Variants in PRKG1 observed in about 807,000 individuals in gnomAD.
PRKG1 encodes the protein protein kinase cGMP-dependent 1, also known as cGMP-dependent protein kinase 1.
In PRKG1, 35 loss-of-function variants were observed where a neutral mutation model predicts 88.1. That is an observed-to-expected ratio of 0.40 (90% confidence interval 0.30 to 0.53). The LOEUF (loss-of-function observed/expected upper bound fraction) is 0.53, where lower values mean the gene tolerates loss of function less well. Among genes scored for constraint, PRKG1 ranks in the 20% least tolerant of loss-of-function variants. PRKG1 has a pLI of 0.59. For missense variants in PRKG1, 540 were observed against 839.8 expected (o/e 0.64, Z 4.41); for synonymous variants, 303 against 292.5 (o/e 1.04, Z -0.37).
chr10:52,062,972 T>C (rs1846272983), intron 7 of PRKG1: 1 of 582,280 alleles, frequency 1.7e-6, no homozygotes, highest in Non-Finnish European at 3.1e-6. Flanking sequence ...ATTAAGATAG[T>C]TGGTTGAAAT....
intron 4 of PRKG1, among the ~76,000 whole-genome samples, chr10:51,849,857 A>G (rs891396040): frequency 6.6e-5 from 10 of 152,114 alleles, no homozygotes; most frequent in African/African-American, 2.4e-4. Context: ...CCTTAAGCAT[A>G]CAGAATTTTA....
At chr10:52,011,791 G>A (rs1031795930) in intron 5 of PRKG1, among the ~76,000 whole-genome samples, 4 of 152,146 alleles carry the variant, frequency 2.6e-5, no homozygotes, top group African/African-American at 9.7e-5. Context: ...ATTCTCTTGT[G>A]TTGTGGGAGG....
At chr10:51,777,113 C>T (rs901683989) in intron 3 of PRKG1, among the ~76,000 whole-genome samples, 19 of 152,048 alleles carry the variant, frequency 1.2e-4, no homozygotes, top group African/African-American at 4.6e-4. Flanking sequence ...TACAACTTTG[C>T]CATGGACTGA....
At chr10:51,292,965 G>T (rs1840622893) in intron 2 of PRKG1, among the ~76,000 whole-genome samples, 1 of 151,950 alleles carries the variant, frequency 6.6e-6, no homozygotes, top group African/African-American at 2.4e-5. Context: ...AAGTTCTAGG[G>T]TACAACTGTG....
chr10:52,290,405 G>A, intron 17 of PRKG1, 115 bp downstream of exon 17: 14 of 866,364 alleles, frequency 1.6e-5, no homozygotes, highest in Admixed American at 6.0e-5. Flanking sequence ...ACAAACTCTA[G>A]GAAAAATGTC....
chr10:52,182,828 G>A (rs551254152), intron 9 of PRKG1, among the ~76,000 whole-genome samples: 1 of 151,752 alleles, frequency 6.6e-6, no homozygotes, highest in Non-Finnish European at 1.5e-5. Context: ...TGCTGTTTTG[G>A]TTACTGTAGC....
At chr10:51,924,348 A>G (rs1842526326) in intron 5 of PRKG1, among the ~76,000 whole-genome samples, 1 of 152,056 alleles carries the variant, frequency 6.6e-6, no homozygotes, top group African/African-American at 2.4e-5. Context: ...CAACACTTTA[A>G]ATATTCTACT....
chr10:51,434,630 C>A (rs1178005078), intron 2 of PRKG1, among the ~76,000 whole-genome samples: 1 of 152,078 alleles, frequency 6.6e-6, no homozygotes, highest in African/African-American at 2.4e-5. Context: ...AGCTTGAGGA[C>A]AATCAGCTGT....
intron 5 of PRKG1, among the ~76,000 whole-genome samples, chr10:51,998,310 T>C (rs762581237): frequency 6.2e-4 from 94 of 152,278 alleles, no homozygotes; most frequent in Admixed American, 1.7e-3. Context: ...TTGTGTCATT[T>C]TGGGTTCTTG....
chr10:51,908,734 A>ATTTATATATTTTT (rs1842146969), intron 5 of PRKG1: 1 of 52,218 alleles, frequency 1.9e-5, no homozygotes, highest in African/African-American at 5.8e-5. Context: ...TCTATATGTA[A>ATTTATATATTTTT]TTTTTTTTTT....
intron 5 of PRKG1, among the ~76,000 whole-genome samples, chr10:52,041,900 A>C (rs6480683): frequency 0.88 from 134,110 of 152,014 alleles, 59,242 homozygotes; most frequent in East Asian, 1. Flanking sequence ...CTTTTCCATA[A>C]ATTAACAGTG....
intron 2 of PRKG1, among the ~76,000 whole-genome samples, chr10:51,306,891 G>A (rs1280473696): frequency 6.6e-6 from 1 of 152,134 alleles, no homozygotes; most frequent in African/African-American, 2.4e-5. Flanking sequence ...CTTCAACTTA[G>A]AAAGTTCAAA....
At chr10:51,734,071 T>A (rs1001205655) in intron 3 of PRKG1, among the ~76,000 whole-genome samples, 3 of 151,772 alleles carry the variant, frequency 2.0e-5, no homozygotes, top group East Asian at 1.9e-4. Flanking sequence ...TTAGCTTTTT[T>A]AAAAAAAAAT....
At chr10:52,159,492 T>C (rs1021632897) in intron 8 of PRKG1, among the ~76,000 whole-genome samples, 4 of 151,670 alleles carry the variant, frequency 2.6e-5, no homozygotes, top group Non-Finnish European at 5.9e-5. Flanking sequence ...TTAAGCTCAT[T>C]GGGATGATTA....
intron 2 of PRKG1, among the ~76,000 whole-genome samples, chr10:51,239,339 A>G (rs1839089517): frequency 6.6e-6 from 1 of 152,242 alleles, no homozygotes; most frequent in Admixed American, 6.5e-5. Context: ...AACTAGCAGG[A>G]GAAGAATTTT....
rs576452273 is a variant in PRKG1, at chr10:51,876,424, T to C, written c.699-31083T>C. Among the ~76,000 whole-genome samples, 6 of 152,324 alleles carry C rather than the reference T, an allele frequency of 3.9e-5. No homozygotes were observed. In the East Asian group the frequency reaches 1.2e-3, roughly 29 times the overall value. On this transcript the variant is annotated intron_variant, in intron 4 of 17. Coordinates refer to ENST00000373980, the MANE Select transcript of PRKG1 (RefSeq NM_006258.4). The stretch of plus-strand genomic sequence containing the variant: ...GAAAAACCCTTGCTGTCATAGTCTG[T>C]AGGATGGAAATGTGTAGTGTAGTAT...
intron 5 of PRKG1, among the ~76,000 whole-genome samples, chr10:52,029,072 A>T (rs1263648504): frequency 6.6e-6 from 1 of 152,226 alleles, no homozygotes; most frequent in South Asian, 2.1e-4. Flanking sequence ...CTGTGACCCA[A>T]GGTGGTGCTT....
intron 2 of PRKG1, among the ~76,000 whole-genome samples, chr10:51,166,268 T>A (rs1846537709): frequency 6.6e-6 from 1 of 152,108 alleles, no homozygotes; most frequent in African/African-American, 2.4e-5. Context: ...GTGTGAAGAT[T>A]TTTATTGACT....
chr10:51,949,080 A>G (rs1843124448), intron 5 of PRKG1, among the ~76,000 whole-genome samples: 1 of 152,222 alleles, frequency 6.6e-6, no homozygotes, highest in Non-Finnish European at 1.5e-5. Flanking sequence ...GCACTGGACT[A>G]AAGATTGCCT....
Sources: gnomAD v4.1 joint callset for allele counts (sites outside exome capture counted in the v4.1 genomes callset) on GRCh38, gnomAD v4.1.1 for gene constraint, MANE v1.5 for transcripts, NCBI Gene and HGNC (gene_info 2026-07-23, HGNC 2026-07-21) for gene names.